Variants in CHD9 observed in about 807,000 individuals in gnomAD.
CHD9 encodes the protein ATP-dependent chromatin remodeler CHD9.
A neutral mutation model predicts 316.1 loss-of-function variants in CHD9; 77 were observed. The observed-to-expected ratio is 0.24, with a 90% confidence interval of 0.20 to 0.29. The LOEUF is 0.29. Ranked by LOEUF, CHD9 falls within the 10% of genes least tolerant of loss-of-function variation. CHD9 has a pLI of 1.00. For missense variants in CHD9, 2,763 were observed against 3,438.1 expected (o/e 0.80, Z 4.91); for synonymous variants, 1,129 against 1,158.3 (o/e 0.97, Z 0.51).
chr16:53,202,449 C>G (rs954680047), intron 2 of CHD9, among the ~76,000 whole-genome samples: 3 of 147,694 alleles, frequency 2.0e-5, no homozygotes, highest in African/African-American at 7.5e-5. Flanking sequence ...CTCATCTACT[C>G]TGTGGTTGCC....
At chr16:53,074,625 A>G (rs115876688) in intron 1 of CHD9, among the ~76,000 whole-genome samples, 2,242 of 152,328 alleles carry the variant, frequency 0.015, 59 homozygotes, top group African/African-American at 0.051. Flanking sequence ...AAAGGGGTCA[A>G]TGTAGAGCTT....
At chr16:53,309,824 C>G (rs1362175753) in intron 34 of CHD9, among the ~76,000 whole-genome samples, 1 of 151,722 alleles carries the variant, frequency 6.6e-6, no homozygotes, top group East Asian at 1.9e-4. Flanking sequence ...AGTGTGATGT[C>G]AAGAATTGAG....
chr16:53,143,359 T>C (rs1048898936), intron 1 of CHD9, among the ~76,000 whole-genome samples: 4 of 6,366 alleles, frequency 6.3e-4, no homozygotes, highest in East Asian at 2.6e-3. Context: ...TTTATCTTAT[T>C]TTATTTATTT....
chr16:53,174,052 C>T (rs562093394), intron 2 of CHD9, among the ~76,000 whole-genome samples: 2 of 152,182 alleles, frequency 1.3e-5, no homozygotes, highest in South Asian at 4.1e-4. Flanking sequence ...TTAATTTCTT[C>T]TTTGGCCCAT....
intron 1 of CHD9, among the ~76,000 whole-genome samples, chr16:53,062,086 T>G (rs992894819): frequency 6.6e-6 from 1 of 152,194 alleles, no homozygotes; most frequent in African/African-American, 2.4e-5. Flanking sequence ...CGCTGGCCTT[T>G]CACTTCCTCC....
At chr16:53,305,100 C>CGCCCA (rs2055835243) in intron 31 of CHD9, among the ~76,000 whole-genome samples, 1 of 147,656 alleles carries the variant, frequency 6.8e-6, no homozygotes, top group Non-Finnish European at 1.5e-5. Context: ...CTCGCTCTGT[C>CGCCCA]GCCCAGGCTG....
chr16:53,122,771 A>G (rs2038799377), intron 1 of CHD9, among the ~76,000 whole-genome samples: 1 of 151,426 alleles, frequency 6.6e-6, no homozygotes. Flanking sequence ...CAGTGGAGCG[A>G]TCTCCTCTCA....
chr16:53,129,631 A>G (rs771300819), intron 1 of CHD9, among the ~76,000 whole-genome samples: 10 of 152,260 alleles, frequency 6.6e-5, no homozygotes, highest in Admixed American at 1.3e-4. Flanking sequence ...GCGGAGGCTG[A>G]AATTCAAGAG....
At chr16:53,058,187 G>A (rs2152491732) in intron 1 of CHD9, among the ~76,000 whole-genome samples, 1 of 152,250 alleles carries the variant, frequency 6.6e-6, no homozygotes, top group East Asian at 1.9e-4. Context: ...GTGGCACGAT[G>A]TCAGCTCACT....
At chr16:53,119,705 G>A (rs1427223830) in intron 1 of CHD9, among the ~76,000 whole-genome samples, 1 of 152,270 alleles carries the variant, frequency 6.6e-6, no homozygotes, top group East Asian at 1.9e-4. Flanking sequence ...GTTGGCGCAT[G>A]CCTGTAATCC....
chr16:53,253,803 A>C (rs1156239687), intron 17 of CHD9, among the ~76,000 whole-genome samples: 1 of 152,030 alleles, frequency 6.6e-6, no homozygotes, highest in Non-Finnish European at 1.5e-5. Flanking sequence ...AACAACAAAA[A>C]ACTTGAGTTG....
intron 1 of CHD9, among the ~76,000 whole-genome samples, chr16:53,140,433 AG>A (rs1456418763): frequency 6.6e-6 from 1 of 151,236 alleles, no homozygotes; most frequent in Non-Finnish European, 1.5e-5. Context: ...AAAAAAAAAA[AG>A]AATATTTAGA....
At chr16:53,168,280 C>T (rs1235402445) in intron 2 of CHD9, among the ~76,000 whole-genome samples, 1 of 152,196 alleles carries the variant, frequency 6.6e-6, no homozygotes, top group East Asian at 1.9e-4. Context: ...TCAGGCTGGT[C>T]TTGAACTCCT....
At chr16:53,065,546 A>T (rs2033416927) in intron 1 of CHD9, among the ~76,000 whole-genome samples, 1 of 144,342 alleles carries the variant, frequency 6.9e-6, no homozygotes, top group South Asian at 2.4e-4. Context: ...GGGTGGGAGG[A>T]TTGCTTGAGC....
At chr16:53,261,322 A>G (rs1192359439) in intron 19 of CHD9, among the ~76,000 whole-genome samples, 1 of 151,324 alleles carries the variant, frequency 6.6e-6, no homozygotes, top group Non-Finnish European at 1.5e-5. Flanking sequence ...GAAGTTCAGC[A>G]AGAAGCATTT....
intron 4 of CHD9, among the ~76,000 whole-genome samples, chr16:53,224,480 G>A (rs1462780237): frequency 6.6e-6 from 1 of 152,124 alleles, no homozygotes. Context: ...GTCTTTGTAG[G>A]ATGAGGGAAC....
At chr16:53,082,812 C>A (rs575706561) in intron 1 of CHD9, among the ~76,000 whole-genome samples, 1 of 152,318 alleles carries the variant, frequency 6.6e-6, no homozygotes, top group South Asian at 2.1e-4. Context: ...TCCTTCAGAT[C>A]CCAGGTTAGA....
At chr16:53,076,617 T>A (rs949547262) in intron 1 of CHD9, among the ~76,000 whole-genome samples, 1 of 151,070 alleles carries the variant, frequency 6.6e-6, no homozygotes, top group African/African-American at 2.4e-5. Flanking sequence ...TATATATATA[T>A]GTATAAATTT....
chr16:53,169,678 G>A (rs1237402622), intron 2 of CHD9, among the ~76,000 whole-genome samples: 2 of 152,100 alleles, frequency 1.3e-5, no homozygotes, highest in Non-Finnish European at 2.9e-5. Context: ...TCATGGAGAT[G>A]TTGCCCCTAA....
Sources: gnomAD v4.1 joint callset for allele counts (sites outside exome capture counted in the v4.1 genomes callset) on GRCh38, gnomAD v4.1.1 for gene constraint, MANE v1.5 for transcripts, NCBI Gene and HGNC (gene_info 2026-07-23, HGNC 2026-07-21) for gene names.